LMO7: variants seen among roughly 807,000 people sequenced by gnomAD.
LMO7 encodes LIM domain only protein 7.
Under a neutral mutation model 206.5 loss-of-function variants are expected in LMO7, and 120 were observed. The observed-to-expected ratio is 0.58, with a 90% confidence interval of 0.50 to 0.68. The LOEUF is 0.68. LMO7 is among the 30% of genes least tolerant of loss of function. The pLI is 0.00. For missense variants in LMO7, 1,959 were observed against 1,957.9 expected, an observed-to-expected ratio of 1.00 and a Z score of -0.01; for synonymous variants, 706 against 681.5, an observed-to-expected ratio of 1.04 and a Z score of -0.56.
chr13:75,810,532 C>T (rs765087052), intron 11 of LMO7, among the ~76,000 whole-genome samples: 15 of 152,218 alleles, frequency 9.9e-5, no homozygotes, highest in Non-Finnish European at 1.6e-4. Context: ...GCACATTATC[C>T]GCTTTCCAGC....
At chr13:75,809,828 A>ATT (rs35825600) in intron 11 of LMO7, among the ~76,000 whole-genome samples, 1,635 of 122,600 alleles carry the variant, frequency 0.013, 87 homozygotes, top group African/African-American at 0.044. Context: ...CAAAAACTAC[A>ATT]TTTTTTTTTT....
At chr13:75,719,299 C>T (rs1370187048) in intron 2 of LMO7, among the ~76,000 whole-genome samples, 1 of 152,060 alleles carries the variant, frequency 6.6e-6, no homozygotes, top group East Asian at 1.9e-4. Flanking sequence ...CTCTTTAGTG[C>T]TGAATAACGT....
intron 1 of LMO7, among the ~76,000 whole-genome samples, chr13:75,703,761 A>C (rs780642174): frequency 3.4e-5 from 5 of 148,464 alleles, no homozygotes; most frequent in Admixed American, 2.7e-4. Context: ...ACAGTTTAAA[A>C]AGTGCAAAAC....
chr13:75,643,421 T>C (rs1049728227), intron 1 of LMO7, among the ~76,000 whole-genome samples: 7 of 152,186 alleles, frequency 4.6e-5, no homozygotes, highest in African/African-American at 1.4e-4. Context: ...ATTGAGTTGT[T>C]TATGTTGTTC....
intron 1 of LMO7, among the ~76,000 whole-genome samples, chr13:75,675,134 T>A (rs1594206080): frequency 2.0e-5 from 3 of 151,932 alleles, no homozygotes; most frequent in South Asian, 2.1e-4. Flanking sequence ...TGGAGTGCAG[T>A]GGCATGATCT....
chr13:75,722,250 C>T (rs1302111824), intron 2 of LMO7, among the ~76,000 whole-genome samples: 1 of 152,140 alleles, frequency 6.6e-6, no homozygotes, highest in African/African-American at 2.4e-5. Flanking sequence ...AAATAATCAG[C>T]AGAGTAAACA....
intron 3 of LMO7, among the ~76,000 whole-genome samples, chr13:75,742,000 C>T (rs553366206): frequency 1.6e-4 from 25 of 152,276 alleles, no homozygotes; most frequent in African/African-American, 6.0e-4. Flanking sequence ...CCCCAAAGCT[C>T]CTTAAGCTGT....
chr13:75,723,431 T>A (rs1469025709), intron 2 of LMO7, among the ~76,000 whole-genome samples: 2 of 152,186 alleles, frequency 1.3e-5, no homozygotes, highest in African/African-American at 4.8e-5. Context: ...CCTTGTTCAT[T>A]GTGAAAATCT....
intron 7 of LMO7, among the ~76,000 whole-genome samples, chr13:75,803,882 C>T (rs979619465): frequency 2.0e-5 from 3 of 152,082 alleles, no homozygotes; most frequent in Admixed American, 6.6e-5. Context: ...TAGATAGCTG[C>T]ATGCCTTATT....
chr13:75,802,648 A>T (rs1436032710), intron 7 of LMO7, among the ~76,000 whole-genome samples: 1 of 152,184 alleles, frequency 6.6e-6, no homozygotes, highest in Non-Finnish European at 1.5e-5. Context: ...GGCCACTGTC[A>T]CATCCCTTTC....
intron 4 of LMO7, among the ~76,000 whole-genome samples, chr13:75,791,654 A>T (rs907548017): frequency 3.3e-5 from 5 of 152,178 alleles, no homozygotes; most frequent in Admixed American, 2.6e-4. Flanking sequence ...AGAGAAAAAA[A>T]TGCCTATAGT....
At chr13:75,663,666 G>T (rs2038849701) in intron 1 of LMO7, among the ~76,000 whole-genome samples, 1 of 151,986 alleles carries the variant, frequency 6.6e-6, no homozygotes, top group Non-Finnish European at 1.5e-5. Flanking sequence ...TCATGACCTT[G>T]TGATCCACCC....
At chr13:75,644,822 A>G (rs1021697976) in intron 1 of LMO7, among the ~76,000 whole-genome samples, 1 of 152,108 alleles carries the variant, frequency 6.6e-6, no homozygotes, top group African/African-American at 2.4e-5. Context: ...TGTAGGGACA[A>G]GGTCTCGCTT....
chr13:75,743,616 A>G (rs1000047991), intron 3 of LMO7, among the ~76,000 whole-genome samples: 6 of 152,172 alleles, frequency 3.9e-5, no homozygotes, highest in African/African-American at 7.2e-5. Flanking sequence ...ACCAAATACC[A>G]TATGTTCTCA....
chr13:75,621,681 T>C, exon 1 of LMO7: 1 of 1,546,726 alleles, frequency 6.5e-7, no homozygotes, highest in Non-Finnish European at 8.8e-7. Flanking sequence ...TTAATTTTTT[T>C]ATTACAACTG....
chr13:75,781,698 G>A (rs57553721), intron 4 of LMO7, among the ~76,000 whole-genome samples: 11,269 of 143,036 alleles, frequency 0.079, 707 homozygotes, highest in East Asian at 0.18. Context: ...CTGAGGAATC[G>A]CCACACTGAC....
intron 2 of LMO7, among the ~76,000 whole-genome samples, chr13:75,725,129 T>C (rs1445603532): frequency 6.6e-6 from 1 of 152,128 alleles, no homozygotes; most frequent in East Asian, 1.9e-4. Flanking sequence ...GGTTGTGCTA[T>C]TATTAATTCC....
At chr13:75,737,837 G>A (rs1368675602) in intron 3 of LMO7, among the ~76,000 whole-genome samples, 6 of 57,454 alleles carry the variant, frequency 1.0e-4, no homozygotes, top group Non-Finnish European at 1.5e-4. Context: ...TTCACAGGAA[G>A]CTGCCAAAAA....
Position 75,636,390 on chromosome 13 carries a change from C to T in LMO7, c.-268C>T. 1 of 1,300,672 alleles carries T rather than the reference C, an allele frequency of 7.7e-7. No individual in the cohort carries two copies. The allele number at this position is 1,300,672 out of a possible 1,614,324, so 80.6% of individuals were successfully genotyped here. ...TGGGCACCCGCTTCGCTTCCCGCGT[C>T]CTGCCTGACTGCCCGGGTCCCCGCG... is the stretch of plus-strand genomic sequence containing the variant. On this transcript the variant is annotated 5_prime_UTR_variant, in exon 1 of 31. Transcript: ENST00000377534.
Sources: gnomAD v4.1 joint callset for allele counts (sites outside exome capture counted in the v4.1 genomes callset) on GRCh38, gnomAD v4.1.1 for gene constraint, MANE v1.5 for transcripts, NCBI Gene and HGNC (gene_info 2026-07-23, HGNC 2026-07-21) for gene names.